Variants in WNT4 observed in about 807,000 individuals in gnomAD.
WNT4 encodes the protein Wnt family member 4.
In WNT4, 16 loss-of-function variants were observed where a neutral mutation model predicts 34.5. That is an observed-to-expected ratio of 0.46 (90% CI 0.31 to 0.70). The LOEUF (loss-of-function observed/expected upper bound fraction) is 0.70, where lower values mean the gene tolerates loss of function less well. WNT4 is among the 30% of genes least tolerant of loss of function. WNT4 has a pLI of 0.04. For synonymous variants in WNT4, 200 were observed against 211.9 expected, an observed-to-expected ratio of 0.94 and a Z score of 0.49; for missense variants, 379 against 495.9, an observed-to-expected ratio of 0.76 and a Z score of 2.24.
In WNT4 at chr1:22,121,197, T is replaced by A. The variant is rs1023375644; in HGVS notation, c.588+14A>T. 6.2e-7 allele frequency: 1 copy of A among 1,612,560 alleles called. No individual in the cohort carries two copies. Among genetic ancestry groups the A allele is most frequent in the African/African-American group, 1.3e-5 (1 of 74,616 alleles). On this transcript the variant is annotated intron_variant, in intron 4 of 4. Transcript: ENST00000290167. ...TCCCTACCCCGCTCTTGGTGGGGGG[T>A]AGTGCCACACTACCTTCCTGCCGGC...
intron 2 of WNT4, among the ~76,000 whole-genome samples, chr1:22,122,032 G>C (rs147436756): frequency 6.6e-6 from 1 of 152,288 alleles, no homozygotes; most frequent in Non-Finnish European, 1.5e-5. Context: ...CAAGGCTGCA[G>C]GTAGAAAGAA....
Position 22,119,729 on chromosome 1 carries a change from C to G in WNT4, c.*321G>C, listed in dbSNP as rs1419842520. The G allele has an allele frequency of 1.7e-5, 8 of 463,422 alleles. No homozygotes were observed. The South Asian group carries it at 1.8e-4, about 10-fold the overall frequency. The allele number at this position is 463,422 out of a possible 1,614,324, so 28.7% of individuals were successfully genotyped here. On this transcript the variant is annotated 3_prime_UTR_variant, in exon 5 of 5. Coordinates refer to ENST00000290167, the MANE Select transcript of WNT4 (RefSeq NM_030761.5). ...CATGTGGTGGTAATACTCCTTGTTACTCCACCTTAGGTCTGCAAGTAGAAA... is the reference window on the plus strand; with the variant it reads ...CATGTGGTGGTAATACTCCTTGTTAGTCCACCTTAGGTCTGCAAGTAGAAA...
At chr1:22,138,875 C>T (rs755382589) in intron 1 of WNT4, among the ~76,000 whole-genome samples, 3 of 152,188 alleles carry the variant, frequency 2.0e-5, no homozygotes, top group Non-Finnish European at 2.9e-5. Flanking sequence ...AACTGTCCCC[C>T]GGCCCCCGGG....
At position 22,118,470 on chromosome 1, in the gene WNT4, G is replaced by C. The variant is rs933981563; in HGVS notation, c.*1580C>G. ...CTTCTCACAAGCCTGGGCGGGGCTC[G>C]TGATGGTTTGGCGGTTGTACAGGGT... On this transcript the variant is annotated 3_prime_UTR_variant, in exon 5 of 5. Transcript: ENST00000290167. 1 of 152,278 alleles carries C rather than the reference G, an allele frequency of 6.6e-6. No individual in the cohort carries two copies. The highest frequency in any genetic ancestry group is 2.4e-5 in the African/African-American group (1 of 41,436). The allele number at this position is 152,278 out of a possible 1,614,324, so 9.4% of individuals were successfully genotyped here. A position where few individuals can be genotyped will look rare whatever the true frequency, so the allele number is the denominator to read the frequency against.
At position 22,121,367 on chromosome 1, in the gene WNT4, G is replaced by A; in HGVS notation, c.446-14C>T. 6.2e-7 allele frequency: 1 copy of A among 1,614,044 alleles called. No homozygotes were observed. The highest frequency in any genetic ancestry group is 8.5e-7 in the Non-Finnish European group (1 of 1,180,030). ...ACCACTGGAAGCCTGGGGTGTGGTGGGCACAGAAAGGGCTGCGGTGAGTGA... is the reference window on the plus strand; with the variant it reads ...ACCACTGGAAGCCTGGGGTGTGGTGAGCACAGAAAGGGCTGCGGTGAGTGA... On this transcript the variant is annotated splice_polypyrimidine_tract_variant and intron_variant, in intron 3 of 4. Transcript: ENST00000290167.
At chr1:22,121,632 C>T in intron 2 of WNT4, 56 bp from the exon 3 acceptor site, 2 of 1,593,862 alleles carry the variant, frequency 1.3e-6, no homozygotes, top group Non-Finnish European at 1.7e-6. Context: ...CCTGCACCCT[C>T]CTTTGTAGAG....
chr1:22,136,357 A>G (rs753725532), intron 1 of WNT4, among the ~76,000 whole-genome samples: 1 of 152,176 alleles, frequency 6.6e-6, no homozygotes, highest in Non-Finnish European at 1.5e-5. Context: ...TCCTGTGGCC[A>G]CTGACCCATT....
chr1:22,119,389 G>A lies in WNT4; in HGVS notation c.*661C>T. 1 of 154,578 alleles carries A rather than the reference G, an allele frequency of 6.5e-6. No homozygotes were observed. Among genetic ancestry groups the A allele is most frequent in the East Asian group, 1.9e-4 (1 of 5,194 alleles). 9.6% of individuals were successfully genotyped at this position (154,578 alleles called of 1,614,324 possible). A position where few individuals can be genotyped will look rare whatever the true frequency, so the allele number is the denominator to read the frequency against. On this transcript the variant is annotated 3_prime_UTR_variant, in exon 5 of 5. Transcript: ENST00000290167. Reference sequence around the variant, plus strand: ...TCCCAGGGGCAGGCTGGGGCAGGCTGGGTTCTAGGGTGGGACTTCAGTCGT... The same window carrying A: ...TCCCAGGGGCAGGCTGGGGCAGGCTAGGTTCTAGGGTGGGACTTCAGTCGT...
rs976951001 is a variant in WNT4 at position 22,119,642 on chromosome 1, C to A, written c.*408G>T. 11 of 297,288 alleles carry A rather than the reference C, an allele frequency of 3.7e-5. No individual in the cohort carries two copies. The highest frequency in any genetic ancestry group is 2.0e-4 in the Admixed American group (4 of 20,492). The allele number at this position is 297,288 out of a possible 1,614,324, so 18.4% of individuals were successfully genotyped here. A position where few individuals can be genotyped will look rare whatever the true frequency, so the allele number is the denominator to read the frequency against. The stretch of plus-strand genomic sequence containing the variant: ...TTTTTCCAGAGGGTGTGACTTCCAT[C>A]AAGTCGGTACCTATTTTCCCTGCCA... On this transcript the variant is annotated 3_prime_UTR_variant, in exon 5 of 5. Coordinates refer to ENST00000290167, the MANE Select transcript of WNT4 (RefSeq NM_030761.5).
intron 1 of WNT4, among the ~76,000 whole-genome samples, chr1:22,131,328 G>A (rs190877032): frequency 1.3e-5 from 2 of 152,236 alleles, no homozygotes; most frequent in Non-Finnish European, 2.9e-5. Context: ...GCATCGAAAC[G>A]TGTGCAGGGT....
Position 22,134,695 on chromosome 1 carries a change from C to G in WNT4, c.78-4844G>C, listed in dbSNP as rs535035057. On this transcript the variant is annotated intron_variant, in intron 1 of 4. Transcript: ENST00000290167. The surrounding 1 kb of genome is among the most constrained non-coding windows in gnomAD (Gnocchi z 4.1). ...ATGAAATCTGTGTGCAGGAGATGCT[C>G]GTCCCTGCTGCAGCATTGTCCTAGC... is the stretch of plus-strand genomic sequence containing the variant. 6.6e-6 allele frequency among the ~76,000 whole-genome samples: 1 copy of G among 152,144 alleles called. No homozygotes were observed. Among genetic ancestry groups the G allele is most frequent in the African/African-American group, 2.4e-5 (1 of 41,418 alleles).
At chr1:22,124,975 C>T (rs1645929749) in intron 2 of WNT4, among the ~76,000 whole-genome samples, 1 of 152,206 alleles carries the variant, frequency 6.6e-6, no homozygotes, top group African/African-American at 2.4e-5. Flanking sequence ...TTCCTTTACT[C>T]TCTTGGATGT....
intron 1 of WNT4, among the ~76,000 whole-genome samples, chr1:22,136,078 C>G (rs1480710648): frequency 6.6e-6 from 1 of 152,226 alleles, no homozygotes; most frequent in South Asian, 2.1e-4. Context: ...TTTGGGAGCC[C>G]CCAACCCCAT....
chr1:22,121,642 G>A (rs1339014403), intron 2 of WNT4, 66 bp from the exon 3 acceptor site: 9 of 1,583,838 alleles, frequency 5.7e-6, no homozygotes, highest in Non-Finnish European at 7.7e-6. Context: ...CCTTTGTAGA[G>A]GGGGAGGGGC....
intron 2 of WNT4, among the ~76,000 whole-genome samples, chr1:22,122,995 C>T (rs1645913668): frequency 6.6e-6 from 1 of 152,234 alleles, no homozygotes; most frequent in Non-Finnish European, 1.5e-5. Context: ...AATGGCGCCT[C>T]GACAGCCTGA....
At chr1:22,121,104 T>G in intron 4 of WNT4, 107 bp downstream of exon 4, 43 of 1,546,120 alleles carry the variant, frequency 2.8e-5, no homozygotes, top group Non-Finnish European at 3.4e-5. Flanking sequence ...CAGGTGCTGG[T>G]GAGAGCCTGC....
At chr1:22,130,453 G>A (rs1645974431) in intron 1 of WNT4, among the ~76,000 whole-genome samples, 1 of 152,256 alleles carries the variant, frequency 6.6e-6, no homozygotes, top group Admixed American at 6.5e-5. Flanking sequence ...TATGGGTGGT[G>A]GTGGCGAGAG....
intron 1 of WNT4, among the ~76,000 whole-genome samples, chr1:22,141,270 T>TTTTG (rs536132721): frequency 2.6e-5 from 4 of 152,170 alleles, no homozygotes; most frequent in African/African-American, 4.8e-5. Flanking sequence ...TTTCTTTGTT[T>TTTTG]TTTGTTTGTT....
chr1:22,138,801 C>T (rs959667374), intron 1 of WNT4, among the ~76,000 whole-genome samples: 1 of 152,174 alleles, frequency 6.6e-6, no homozygotes, highest in Non-Finnish European at 1.5e-5. Flanking sequence ...GTGCCCCATC[C>T]CTGCCCCAGG....
Sources: allele counts gnomAD v4.1 joint callset (sites outside exome capture counted in the v4.1 genomes callset), GRCh38; gene constraint gnomAD v4.1.1; non-coding constraint Gnocchi (gnomAD v3.1); transcripts MANE v1.5; gene names NCBI Gene and HGNC (gene_info 2026-07-23, HGNC 2026-07-21).